Variants in RNF32 observed in about 807,000 individuals in gnomAD.
RNF32 encodes the protein ring finger protein 32.
RNF32 carries 36 observed loss-of-function variants against 41.0 expected under a neutral mutation model. The ratio of observed to expected loss-of-function variants is 0.88; its 90% CI spans 0.67 to 1.16. RNF32 has a LOEUF of 1.16. Ranked by LOEUF, RNF32 falls within the 50% of genes most tolerant of loss-of-function variation. The probability of loss-of-function intolerance (pLI) is 0.00; values close to 1 mark genes in which losing one functional copy is unlikely to be tolerated. For missense variants in RNF32, 413 were observed against 436.7 expected (o/e 0.95, Z 0.48); for synonymous variants, 154 against 160.9 (o/e 0.96, Z 0.32).
chr7:156,658,163 G>A lies in RNF32; in HGVS notation c.486G>A (p.Lys162=). Residue 162 remains lysine (K), a synonymous_variant, in exon 6 of 9, where the codon AAG becomes AAA. Transcript: ENST00000317955. ...AGGCTTTTGAAAAGTTCACAAATAA[G>A]AAAACCTGTCCTCTCTGTAGAAAGA... ...CLQAFEKFTN[K]KTCPLCRKNQ... 2.5e-6 allele frequency: 4 copies of A among 1,614,080 alleles called. No homozygotes were observed. Among genetic ancestry groups the A allele is most frequent in the Non-Finnish European group, 3.4e-6 (4 of 1,179,978 alleles).
intron 7 of RNF32, among the ~76,000 whole-genome samples, chr7:156,666,122 T>C (rs1392771166): frequency 1.3e-5 from 2 of 152,192 alleles, no homozygotes; most frequent in African/African-American, 2.4e-5. Flanking sequence ...GGAGGGATAA[T>C]AGTTTGATAT....
chr7:156,643,922 T>A, intron 2 of RNF32, 30 bp downstream of exon 2: 1 of 1,574,560 alleles, frequency 6.4e-7, no homozygotes, highest in Non-Finnish European at 8.7e-7. Context: ...AACATACACG[T>A]TATTTGACTC....
chr7:156,658,312 T>C (rs1416616752), intron 6 of RNF32, 60 bp downstream of exon 6: 13 of 1,597,236 alleles, frequency 8.1e-6, no homozygotes, highest in Non-Finnish European at 1.1e-5. Context: ...GACAACTAAC[T>C]TGTTTTTTGA....
chr7:156,671,729 C>A (rs189302574), intron 7 of RNF32, among the ~76,000 whole-genome samples: 110 of 150,976 alleles, frequency 7.3e-4, no homozygotes, highest in Non-Finnish European at 1.2e-3. Context: ...CCGTGTCCCT[C>A]CCCAGTCGTC....
intron 1 of RNF32, among the ~76,000 whole-genome samples, chr7:156,641,865 T>C (rs1797378830): frequency 6.8e-6 from 1 of 147,750 alleles, no homozygotes; most frequent in African/African-American, 2.7e-5. Context: ...GTGGAACTTA[T>C]TTCAAACATC....
intron 7 of RNF32, among the ~76,000 whole-genome samples, chr7:156,668,783 C>T (rs1400265971): frequency 6.6e-6 from 1 of 152,218 alleles, no homozygotes. Context: ...TGTTCTATGG[C>T]AGCTGAGCAA....
At chr7:156,643,735 C>T in intron 1 of RNF32, 66 bp from the exon 2 acceptor site, 2 of 757,246 alleles carry the variant, frequency 2.6e-6, no homozygotes, top group Admixed American at 2.1e-5. Flanking sequence ...TACAGAGCAT[C>T]CTCACAAACT....
At position 156,676,742 on chromosome 7, in the gene RNF32, T is replaced by C; in HGVS notation, c.*87T>C. ...ACTGCATGAGTTCTGGGTTAAGTAC[T>C]ACAATGTAATCTGTTTCCCAGGGAA... On this transcript the variant is annotated 3_prime_UTR_variant, in exon 9 of 9. Coordinates refer to ENST00000317955, the MANE Select transcript of RNF32 (RefSeq NM_030936.4). The C allele has an allele frequency of 1.1e-6, 1 of 911,996 alleles. No individual in the cohort carries two copies. Among genetic ancestry groups the C allele is most frequent in the Non-Finnish European group, 1.7e-6 (1 of 572,720 alleles). 56.5% of individuals were successfully genotyped at this position (911,996 alleles called of 1,614,324 possible). A position where few individuals can be genotyped will look rare whatever the true frequency, so the allele number is the denominator to read the frequency against.
At chr7:156,654,550 T>A (rs761009079) in intron 3 of RNF32, 26 bp from the exon 4 acceptor site, 14 of 1,588,652 alleles carry the variant, frequency 8.8e-6, no homozygotes, top group Non-Finnish European at 1.2e-5. Context: ...ACACTCTAAC[T>A]CCTGTCCTGT....
upstream of RNF32, chr7:156,640,678 C>A (rs1034323214): frequency 4.9e-5 from 16 of 324,946 alleles, no homozygotes; most frequent in Non-Finnish European, 8.2e-5. Context: ...CGGGGCGGGG[C>A]AGGGCTGGTG....
chr7:156,646,315 G>A, intron 3 of RNF32: 1 of 835,578 alleles, frequency 1.2e-6, no homozygotes, highest in Non-Finnish European at 1.7e-6. Flanking sequence ...GGGTTCTACA[G>A]AAGAATCCTA....
upstream of RNF32, chr7:156,640,628 T>A (rs1339560550): frequency 2.6e-6 from 1 of 384,636 alleles, no homozygotes; most frequent in Non-Finnish European, 5.1e-6. Flanking sequence ...GCATGCGCAA[T>A]GTGGGCCGGG....
At chr7:156,672,788 C>T (rs57026602) in intron 7 of RNF32, among the ~76,000 whole-genome samples, 2,080 of 152,330 alleles carry the variant, frequency 0.014, 38 homozygotes, top group African/African-American at 0.047. Flanking sequence ...TCTGAAAGCG[C>T]ACGCACAGCG....
At chr7:156,659,195 G>C in intron 7 of RNF32, 6 of 1,154,314 alleles carry the variant, frequency 5.2e-6, no homozygotes, top group African/African-American at 1.6e-5. Flanking sequence ...CTCCGAGGCT[G>C]TCATATGAAA....
rs111912081 is a variant in RNF32, at chr7:156,664,385, C to T, written c.684+5815C>T. 4.1e-3 allele frequency among the ~76,000 whole-genome samples: 629 copies of T among 152,116 alleles called. 7 individuals are homozygous for T. Among genetic ancestry groups the T allele is most frequent in the African/African-American group, 0.014 (587 of 41,518 alleles). On this transcript the variant is annotated intron_variant, in intron 7 of 8. Coordinates refer to ENST00000317955, the MANE Select transcript of RNF32 (RefSeq NM_030936.4). ...CTGAGGCAGGAGAATAGCTTGCACC[C>T]GGGAGGCAGAGGTTGCAGTGAGCCA...
At chr7:156,663,779 G>A (rs1190987066) in intron 7 of RNF32, among the ~76,000 whole-genome samples, 1 of 152,192 alleles carries the variant, frequency 6.6e-6, no homozygotes, top group Non-Finnish European at 1.5e-5. Context: ...GGAAATTTTA[G>A]TGTACTAAAG....
intron 7 of RNF32, among the ~76,000 whole-genome samples, chr7:156,660,501 A>T (rs144395119): frequency 6.6e-6 from 1 of 152,324 alleles, no homozygotes; most frequent in Non-Finnish European, 1.5e-5. Context: ...AGTTGAGAAC[A>T]AACTGTATAA....
intron 7 of RNF32, chr7:156,660,378 C>T: frequency 3.8e-6 from 3 of 789,718 alleles, no homozygotes; most frequent in Non-Finnish European, 4.6e-6. Context: ...GTGGTTTTTC[C>T]TTTGGGGCTT....
intron 3 of RNF32, among the ~76,000 whole-genome samples, chr7:156,648,975 T>TAAAA (rs1798338427): frequency 6.6e-6 from 1 of 152,204 alleles, no homozygotes; most frequent in Admixed American, 6.5e-5. Context: ...TTTAACCTTT[T>TAAAA]ACCTTTCACA....
Sources: gnomAD v4.1 joint callset for allele counts (sites outside exome capture counted in the v4.1 genomes callset) on GRCh38, gnomAD v4.1.1 for gene constraint, MANE v1.5 for transcripts, NCBI Gene and HGNC (gene_info 2026-07-23, HGNC 2026-07-21) for gene names.